Variants in THADA observed in about 807,000 individuals in gnomAD.
The protein encoded by THADA is THADA armadillo repeat containing, also known as tRNA (32-2'-O)-methyltransferase regulator THADA.
THADA carries 213 observed loss-of-function variants against 219.8 expected under a neutral mutation model. The ratio of observed to expected loss-of-function variants is 0.97; its 90% CI spans 0.87 to 1.09. The LOEUF (loss-of-function observed/expected upper bound fraction) is 1.09. THADA is among the 50% of genes least tolerant of loss of function. The probability of loss-of-function intolerance (pLI) is 0.00; values close to 1 mark genes in which losing one functional copy is unlikely to be tolerated. For synonymous variants in THADA, 1,018 were observed against 828.9 expected, an observed-to-expected ratio of 1.23 and a Z score of -3.92; for missense variants, 2,956 against 2,311.3, an observed-to-expected ratio of 1.28 and a Z score of -5.72.
chr2:43,320,933 T>C (rs1456517747), intron 30 of THADA, among the ~76,000 whole-genome samples: 2 of 152,168 alleles, frequency 1.3e-5, no homozygotes, highest in African/African-American at 2.4e-5. Flanking sequence ...AAATCAGTCA[T>C]GAAAATCAGA....
intron 36 of THADA, among the ~76,000 whole-genome samples, chr2:43,247,452 C>G (rs890250167): frequency 1.3e-5 from 2 of 152,072 alleles, no homozygotes; most frequent in East Asian, 1.9e-4. Context: ...CTATTAAAGG[C>G]TGGGCACGGC....
chr2:43,552,139 A>T, intron 18 of THADA, 65 bp downstream of exon 18: 1 of 1,555,214 alleles, frequency 6.4e-7, no homozygotes, highest in South Asian at 1.2e-5. Flanking sequence ...ACACATTCCA[A>T]CCAGAGGTTA....
At chr2:43,248,581 G>A (rs1669503202) in intron 36 of THADA, among the ~76,000 whole-genome samples, 1 of 152,068 alleles carries the variant, frequency 6.6e-6, no homozygotes, top group Non-Finnish European at 1.5e-5. Flanking sequence ...GAGTTACGAT[G>A]GAAAATAATT....
At position 43,583,228 on chromosome 2, in the gene THADA, C is replaced by T. The variant is rs139121042; in HGVS notation, c.534-1300G>A. Among the ~76,000 whole-genome samples the T allele has an allele frequency of 7.4e-3, 1,120 of 152,268 alleles. 13 individuals carry two copies. The highest frequency in any genetic ancestry group is 0.026 in the African/African-American group (1,066 of 41,544). On this transcript the variant is annotated intron_variant, in intron 7 of 37. Coordinates refer to ENST00000405975, the MANE Select transcript of THADA (RefSeq NM_022065.5). ...TATCTTCAACTCCAAATCTGCTGTA[C>T]CTGCTGCATCTTTATCCTACAAAAA... is the stretch of plus-strand genomic sequence containing the variant.
At chr2:43,555,303 A>G (rs1415072836) in intron 17 of THADA, among the ~76,000 whole-genome samples, 2 of 151,756 alleles carry the variant, frequency 1.3e-5, no homozygotes, top group African/African-American at 2.4e-5. Flanking sequence ...CTTCAAAGAT[A>G]TGAGTGTTAT....
chr2:43,248,164 TAGAGAGAGAGAG>T (rs70963389), intron 36 of THADA, among the ~76,000 whole-genome samples: 255 of 40,754 alleles, frequency 6.3e-3, no homozygotes, highest in South Asian at 9.0e-3. Flanking sequence ...TATATATATA[TAGAGAGAGAGAG>T]AGAGAGAGAG....
At chr2:43,253,821 CTGCT>C (rs1354053283) in intron 36 of THADA, among the ~76,000 whole-genome samples, 3 of 152,158 alleles carry the variant, frequency 2.0e-5, no homozygotes, top group Non-Finnish European at 1.5e-5. Context: ...TCTGATCACG[CTGCT>C]TATTTGCTCA....
chr2:43,350,093 T>C (rs1294281751), intron 29 of THADA, among the ~76,000 whole-genome samples: 1 of 152,046 alleles, frequency 6.6e-6, no homozygotes, highest in Non-Finnish European at 1.5e-5. Context: ...TCAGGCCCCC[T>C]TTTTTTCTCG....
intron 26 of THADA, among the ~76,000 whole-genome samples, chr2:43,457,998 A>AAAAAC (rs1297813506): frequency 2.6e-5 from 4 of 152,164 alleles, no homozygotes; most frequent in South Asian, 2.1e-4. Context: ...CCTCTCGACA[A>AAAAAC]AAAACAAAAC....
intron 22 of THADA, 71 bp from the exon 23 acceptor site, chr2:43,508,851 T>C (rs1025962320): frequency 5.7e-5 from 82 of 1,444,382 alleles, no homozygotes; most frequent in Non-Finnish European, 7.4e-5. Context: ...TTGATGCACA[T>C]TTACACTGTT....
intron 3 of THADA, among the ~76,000 whole-genome samples, 179 bp from the exon 4 acceptor site, chr2:43,591,133 G>A (rs1701521873): frequency 6.6e-6 from 1 of 152,014 alleles, no homozygotes; most frequent in Non-Finnish European, 1.5e-5. Flanking sequence ...GACAAGCTCG[G>A]GCAACATGGT....
chr2:43,361,772 T>A (rs1377355789), intron 29 of THADA, among the ~76,000 whole-genome samples: 1 of 152,256 alleles, frequency 6.6e-6, no homozygotes, highest in East Asian at 1.9e-4. Context: ...CTTTAAGAAA[T>A]ACATTATTTG....
At chr2:43,476,173 C>CA (rs1050481929) in intron 26 of THADA, among the ~76,000 whole-genome samples, 4 of 152,088 alleles carry the variant, frequency 2.6e-5, no homozygotes, top group Non-Finnish European at 5.9e-5. Flanking sequence ...TAACTCTGGC[C>CA]AACAAGATAT....
At chr2:43,492,312 CAAA>C (rs770408031) in intron 25 of THADA, 3 of 92,162 alleles carry the variant, frequency 3.3e-5, no homozygotes, top group South Asian at 3.3e-4. Flanking sequence ...GACTCTGTCT[CAAA>C]AAAAAAAAAA....
intron 31 of THADA, among the ~76,000 whole-genome samples, chr2:43,313,959 T>C (rs886450425): frequency 6.6e-6 from 1 of 152,250 alleles, no homozygotes; most frequent in Non-Finnish European, 1.5e-5. Flanking sequence ...TGTGGTCTCA[T>C]GAAGGAACAT....
intron 11 of THADA, among the ~76,000 whole-genome samples, chr2:43,573,680 G>C (rs750802499): frequency 6.6e-6 from 1 of 152,152 alleles, no homozygotes; most frequent in Non-Finnish European, 1.5e-5. Context: ...AACAATTTTA[G>C]TTGAAAATAT....
chr2:43,485,190 T>C (rs1473952851), intron 26 of THADA, 44 bp downstream of exon 26: 1 of 1,471,564 alleles, frequency 6.8e-7, no homozygotes, highest in Non-Finnish European at 9.5e-7. Context: ...AGGACAATAT[T>C]GTATTTTTTA....
intron 7 of THADA, among the ~76,000 whole-genome samples, chr2:43,585,076 C>T (rs1369907691): frequency 1.3e-5 from 2 of 152,092 alleles, no homozygotes; most frequent in African/African-American, 4.8e-5. Context: ...AAGATTTAAA[C>T]GTACTGACAT....
rs1159727961 is a variant in THADA, at chr2:43,520,723, C to T, written c.3374+7156G>A. On this transcript the variant is annotated intron_variant, in intron 22 of 37. Coordinates refer to ENST00000405975, the MANE Select transcript of THADA (RefSeq NM_022065.5). ...ATACGTATATATATATACACACACA[C>T]ACACACACACACACACACACATATA... 9.9e-4 allele frequency among the ~76,000 whole-genome samples: 136 copies of T among 136,870 alleles called. 1 individual carries two copies. The highest frequency in any genetic ancestry group is 2.8e-3 in the African/African-American group (111 of 39,114). The allele number at this position is 136,870 out of a possible 152,430, so 89.8% of individuals were successfully genotyped here. A position where few individuals can be genotyped will look rare whatever the true frequency, so the allele number is the denominator to read the frequency against.
Sources: gnomAD v4.1 joint callset for allele counts (sites outside exome capture counted in the v4.1 genomes callset) on GRCh38, gnomAD v4.1.1 for gene constraint, MANE v1.5 for transcripts, NCBI Gene and HGNC (gene_info 2026-07-23, HGNC 2026-07-21) for gene names.